The following PIAS4 variants were observed in gnomAD, a reference collection of about 807,000 sequenced individuals.
PIAS4 encodes the protein protein inhibitor of activated STAT 4.
A neutral mutation model predicts 58.0 loss-of-function variants in PIAS4; 7 were observed. The ratio of observed to expected loss-of-function variants is 0.12; its 90% CI spans 0.07 to 0.23. The LOEUF is 0.23. Ranked by LOEUF, PIAS4 falls within the 10% of genes least tolerant of loss-of-function variation. The probability of loss-of-function intolerance (pLI) is 1.00; values close to 1 mark genes in which losing one functional copy is unlikely to be tolerated. For synonymous variants in PIAS4, 364 were observed against 312.4 expected, an observed-to-expected ratio of 1.17 and a Z score of -1.74; for missense variants, 550 against 709.5, an observed-to-expected ratio of 0.78 and a Z score of 2.55.
At chr19:4,008,386 C>T (rs537409472) in intron 1 of PIAS4, among the ~76,000 whole-genome samples, 5 of 152,134 alleles carry the variant, frequency 3.3e-5, no homozygotes, top group African/African-American at 9.6e-5. Flanking sequence ...AGACACGGCA[C>T]GTCCTCTTGG....
intron 9 of PIAS4, among the ~76,000 whole-genome samples, chr19:4,035,141 G>A (rs2040261453): frequency 1.3e-5 from 2 of 152,244 alleles, no homozygotes; most frequent in African/African-American, 2.4e-5. Context: ...TCCGAGCATC[G>A]CCTCAGAGAG....
At chr19:4,018,230 G>C (rs767432056) in intron 2 of PIAS4, among the ~76,000 whole-genome samples, 1 of 152,228 alleles carries the variant, frequency 6.6e-6, no homozygotes, top group Non-Finnish European at 1.5e-5. Flanking sequence ...CCTGCTGCCC[G>C]AGTGGGCCGC....
chr19:4,008,567 A>T (rs2039964868), intron 1 of PIAS4, among the ~76,000 whole-genome samples: 1 of 151,990 alleles, frequency 6.6e-6, no homozygotes, highest in Non-Finnish European at 1.5e-5. Context: ...CTTCTTGGTC[A>T]CAGACCTTCT....
intron 8 of PIAS4, 121 bp downstream of exon 8, chr19:4,033,294 GT>G (rs1331204933): frequency 5.2e-6 from 7 of 1,335,422 alleles, no homozygotes; most frequent in Non-Finnish European, 7.2e-6. Context: ...GCTGGTCTTC[GT>G]CCCCTCCGTG....
At chr19:4,029,193 G>A (rs1485608080) in intron 7 of PIAS4, among the ~76,000 whole-genome samples, 157 bp downstream of exon 7, 1 of 152,182 alleles carries the variant, frequency 6.6e-6, no homozygotes, top group African/African-American at 2.4e-5. Flanking sequence ...GGCTGGGGAG[G>A]TCTCTGGAGG....
intron 2 of PIAS4, among the ~76,000 whole-genome samples, chr19:4,016,302 G>A (rs1052844496): frequency 7.2e-5 from 11 of 152,236 alleles, no homozygotes; most frequent in Admixed American, 2.0e-4. Flanking sequence ...GTCTTGGCCC[G>A]CAGCGGGCAC....
In PIAS4 at chr19:4,013,305, C is replaced by G; in HGVS notation, c.410C>G (p.Pro137Arg). Residue 137 changes from proline (P) to arginine (R), a missense_variant, in exon 2 of 11, where the codon CCG becomes CGG. Coordinates refer to ENST00000262971, the MANE Select transcript of PIAS4 (RefSeq NM_015897.4). This position sits in a 1 kb window ranked among gnomAD's most constrained non-coding sequence, Gnocchi z 5.1. ...LKPEVRLVKLPFFNMLDELLK... is the reference protein window; with the variant it reads ...LKPEVRLVKLRFFNMLDELLK... ...CCAGAAGTCCGCCTGGTGAAGCTGC[C>G]GTTCTTTAATATGCTGGATGAGCTG... 1 of 1,613,232 alleles carries G rather than the reference C, an allele frequency of 6.2e-7. No homozygotes were observed. Among genetic ancestry groups the G allele is most frequent in the Non-Finnish European group, 8.5e-7 (1 of 1,179,994 alleles).
Position 4,038,881 on chromosome 19 carries a change from T to C in PIAS4, c.*1006T>C. 1 of 152,592 alleles carries C rather than the reference T, an allele frequency of 6.6e-6. No individual in the cohort carries two copies. The highest frequency in any genetic ancestry group is 1.5e-5 in the Non-Finnish European group (1 of 68,242). 9.5% of individuals were successfully genotyped at this position (152,592 alleles called of 1,614,324 possible). On this transcript the variant is annotated 3_prime_UTR_variant, in exon 11 of 11. Coordinates refer to ENST00000262971, the MANE Select transcript of PIAS4 (RefSeq NM_015897.4). This position sits in a 1 kb window ranked among gnomAD's most constrained non-coding sequence, Gnocchi z 4.1. ...CGGGTACGAGGCTGGCCCGGCACCC[T>C]GTCCCCCGGGAGCCTCACTCTTCCA...
At chr19:4,015,383 A>G (rs931923846) in intron 2 of PIAS4, among the ~76,000 whole-genome samples, 1 of 152,052 alleles carries the variant, frequency 6.6e-6, no homozygotes, top group African/African-American at 2.4e-5. Context: ...GACCCCGGTC[A>G]CCTGATCTCC....
intron 2 of PIAS4, among the ~76,000 whole-genome samples, chr19:4,020,441 T>G (rs2040097636): frequency 6.6e-6 from 1 of 152,110 alleles, no homozygotes; most frequent in Non-Finnish European, 1.5e-5. Context: ...TTGCCTGTCA[T>G]CTCGTTGTCT....
Position 4,028,498 on chromosome 19 carries a change from T to C in PIAS4, c.582-12T>C. On this transcript the variant is annotated splice_polypyrimidine_tract_variant and intron_variant, in intron 4 of 10. Coordinates refer to ENST00000262971, the MANE Select transcript of PIAS4 (RefSeq NM_015897.4). Reference sequence around the variant, plus strand: ...CCCCCTCCCCGCCCCATGGTCCCTGTTGTCGTTGCAGAATCTGTTACTCAG... The same window carrying C: ...CCCCCTCCCCGCCCCATGGTCCCTGCTGTCGTTGCAGAATCTGTTACTCAG... The C allele has an allele frequency of 6.2e-7, 1 of 1,604,566 alleles. No individual in the cohort carries two copies. The highest frequency in any genetic ancestry group is 8.5e-7 in the Non-Finnish European group (1 of 1,173,200).
Position 4,028,979 on chromosome 19 carries a change from C to T in PIAS4, c.850C>T (p.Leu284=). ...YLVRQLTSSE[L]LQRLKTIGVK... is the part of the protein sequence containing the mutation. ...GGTGCGGCAGCTGACCTCATCGGAG[C>T]TGCTGCAGAGGCTGAAGACCATTGG... Residue 284 remains leucine, a synonymous_variant, in exon 7 of 11, where the codon CTG becomes TTG. Coordinates refer to ENST00000262971, the MANE Select transcript of PIAS4 (RefSeq NM_015897.4). 1 of 1,611,300 alleles carries T rather than the reference C, an allele frequency of 6.2e-7. No homozygotes were observed. Among genetic ancestry groups the T allele is most frequent in the South Asian group, 1.1e-5 (1 of 90,698 alleles).
chr19:4,012,916 T>G lies in PIAS4; in HGVS notation c.28-7T>G, dbSNP rs2040010541. ...CTCTGAGTGTGTGTGTGCTTGCTCCTCCTCAGAACATGGTGATGAGTTTTC... is the reference window on the plus strand; with the variant it reads ...CTCTGAGTGTGTGTGTGCTTGCTCCGCCTCAGAACATGGTGATGAGTTTTC... On this transcript the variant is annotated splice_polypyrimidine_tract_variant and splice_region_variant and intron_variant, in intron 1 of 10. Transcript: ENST00000262971. 2 of 1,605,698 alleles carry G rather than the reference T, an allele frequency of 1.2e-6. No individual in the cohort carries two copies. Among genetic ancestry groups the G allele is most frequent in the African/African-American group, 2.7e-5 (2 of 74,752 alleles).
intron 7 of PIAS4, among the ~76,000 whole-genome samples, chr19:4,030,696 G>A (rs933996863): frequency 9.2e-5 from 14 of 152,242 alleles, no homozygotes; most frequent in Non-Finnish European, 1.5e-4. Flanking sequence ...CAAAGCCAGC[G>A]TACAGCAGTT....
At chr19:4,029,577 G>C (rs1345252248) in intron 7 of PIAS4, among the ~76,000 whole-genome samples, 2 of 151,708 alleles carry the variant, frequency 1.3e-5, no homozygotes, top group Non-Finnish European at 2.9e-5. Context: ...TAGAGAGTCA[G>C]GGTCTCTGGG....
At chr19:4,032,492 C>T (rs1025453840) in intron 7 of PIAS4, among the ~76,000 whole-genome samples, 2 of 152,234 alleles carry the variant, frequency 1.3e-5, no homozygotes, top group African/African-American at 4.8e-5. Context: ...GGGCCTGCTG[C>T]CCGTCGAGGG....
At chr19:4,029,685 G>A (rs974455614) in intron 7 of PIAS4, among the ~76,000 whole-genome samples, 5 of 150,778 alleles carry the variant, frequency 3.3e-5, no homozygotes, top group Admixed American at 2.0e-4. Context: ...TCGGTGTATC[G>A]CCCAGGCTAC....
In PIAS4 at chr19:4,013,625, T is replaced by C. The variant is rs947524246; in HGVS notation, c.454+276T>C. ...AACCTGTGAGCTGTGTTGCGGGGCATTGGGGCTTGGGGGCTCTCATGAGGC... is the reference window on the plus strand; with the variant it reads ...AACCTGTGAGCTGTGTTGCGGGGCACTGGGGCTTGGGGGCTCTCATGAGGC... On this transcript the variant is annotated intron_variant, in intron 2 of 10. Transcript: ENST00000262971. This position sits in a 1 kb window ranked among gnomAD's most constrained non-coding sequence, Gnocchi z 5.1. 2.7e-5 allele frequency among the ~76,000 whole-genome samples: 4 copies of C among 150,880 alleles called. No individual in the cohort carries two copies. The highest frequency in any genetic ancestry group is 4.9e-5 in the African/African-American group (2 of 41,184).
chr19:4,036,246 C>T (rs2040283427), intron 9 of PIAS4, among the ~76,000 whole-genome samples: 1 of 131,296 alleles, frequency 7.6e-6, no homozygotes, highest in African/African-American at 2.5e-5. Flanking sequence ...CTATACAGTC[C>T]ACACCATCAC....
Sources: gnomAD v4.1 joint callset for allele counts (sites outside exome capture counted in the v4.1 genomes callset) on GRCh38, gnomAD v4.1.1 for gene constraint, Gnocchi (gnomAD v3.1) non-coding constraint, MANE v1.5 for transcripts, NCBI Gene and HGNC (gene_info 2026-07-23, HGNC 2026-07-21) for gene names.